Variants in ALDH1L2 observed in about 807,000 individuals in gnomAD.
ALDH1L2 encodes the protein aldehyde dehydrogenase 1 family member L2.
ALDH1L2 carries 91 observed loss-of-function variants against 111.0 expected under a neutral mutation model. That is an observed-to-expected ratio of 0.82 (90% confidence interval 0.69 to 0.98). The LOEUF is 0.98. ALDH1L2 is among the 50% of genes least tolerant of loss of function. ALDH1L2 has a pLI of 0.00. For missense variants in ALDH1L2, 995 were observed against 1,126.8 expected (o/e 0.88, Z 1.67); for synonymous variants, 374 against 392.6 (o/e 0.95, Z 0.56).
intron 6 of ALDH1L2, among the ~76,000 whole-genome samples, chr12:105,063,856 G>A (rs1311209885): frequency 6.6e-6 from 1 of 152,048 alleles, no homozygotes; most frequent in Non-Finnish European, 1.5e-5. Context: ...GCACTTCTAG[G>A]ATGATCAGCT....
At chr12:105,072,793 GT>G (rs1378988542) in intron 2 of ALDH1L2, among the ~76,000 whole-genome samples, 12 of 152,156 alleles carry the variant, frequency 7.9e-5, no homozygotes, top group African/African-American at 2.7e-4. Flanking sequence ...GGCCAACATG[GT>G]GAAACCATGT....
intron 9 of ALDH1L2, chr12:105,060,616 G>A (rs1016076311): frequency 6.0e-6 from 1 of 167,796 alleles, no homozygotes; most frequent in African/African-American, 2.4e-5. Context: ...GCTGAGGCCA[G>A]GAGTTCGAGA....
intron 10 of ALDH1L2, among the ~76,000 whole-genome samples, chr12:105,057,754 C>A (rs1290601826): frequency 2.0e-5 from 3 of 152,116 alleles, no homozygotes; most frequent in Non-Finnish European, 4.4e-5. Context: ...TCATGCTATC[C>A]AATTTTGGAA....
In ALDH1L2 at chr12:105,038,123, G is replaced by A. The variant is rs749793908; in HGVS notation, c.2125C>T (p.Leu709Phe). 1.1e-5 allele frequency: 17 copies of A among 1,613,512 alleles called. 1 individual carries two copies. The highest frequency in any genetic ancestry group is 3.3e-5 in the Admixed American group (2 of 59,970). The change falls in exon 18 of 23, where the codon CTT becomes TTT. Residue 709 changes from leucine to phenylalanine, a missense_variant. By Grantham distance (22) the Leu-to-Phe change is conservative. Transcript: ENST00000258494. ...CTTACCATTCGCACAGCCTTGTCAA[G>A]TTCACAGTCATTAAATATTATAAGT... ...SPLIIFNDCE[L>F]DKAVRMGMGA...
intron 18 of ALDH1L2, among the ~76,000 whole-genome samples, chr12:105,037,281 G>A (rs749560846): frequency 1.3e-5 from 2 of 152,180 alleles, no homozygotes; most frequent in African/African-American, 4.8e-5. Context: ...CTCACAAGGT[G>A]TTGCAAAAAT....
chr12:105,078,943 C>T (rs1425864463), intron 1 of ALDH1L2, among the ~76,000 whole-genome samples: 2 of 152,206 alleles, frequency 1.3e-5, no homozygotes, highest in African/African-American at 2.4e-5. Flanking sequence ...TGGTGACAAG[C>T]GACACCGTAG....
intron 2 of ALDH1L2, chr12:105,072,539 A>G (rs1366818180): frequency 1.3e-5 from 2 of 152,226 alleles, no homozygotes; most frequent in Non-Finnish European, 2.9e-5. Context: ...TAAGATGTTC[A>G]AAAAACTTAA....
In ALDH1L2 at chr12:105,046,925, C is replaced by G; in HGVS notation, c.1731G>C (p.Leu577=). The change falls in exon 14 of 23, where the codon CTG becomes CTC. Residue 577 remains leucine, a synonymous_variant. Coordinates refer to ENST00000258494, the MANE Select transcript of ALDH1L2 (RefSeq NM_001034173.4). ...CGAGTGGCTCTTTCTTGGTGAAGGT[C>G]AGATTGCGATTTGGACGGGCCTGGT... ...PINQARPNRN[L]TFTKKEPLGV... is the part of the protein sequence containing the mutation. 6.2e-7 allele frequency: 1 copy of G among 1,614,050 alleles called. No homozygotes were observed. Among genetic ancestry groups the G allele is most frequent in the Middle Eastern group, 1.6e-4 (1 of 6,062 alleles).
intron 1 of ALDH1L2, among the ~76,000 whole-genome samples, chr12:105,081,483 G>A (rs188991856): frequency 2.0e-5 from 3 of 152,268 alleles, no homozygotes; most frequent in East Asian, 1.9e-4. Flanking sequence ...CAAGTTACCT[G>A]GAGCCAGGCT....
In ALDH1L2 at chr12:105,049,849, G is replaced by C; in HGVS notation, c.1686+59C>G. On this transcript the variant is annotated intron_variant, in intron 13 of 22. Transcript: ENST00000258494. ...AAAAGAGGATCTGACACAGTGCCTG[G>C]TACAAACTAATCAATGTTAGTCCCT... The C allele has an allele frequency of 3.9e-6, 6 of 1,545,262 alleles. 1 individual carries two copies. The South Asian group carries it at 7.6e-5, about 20-fold the overall frequency.
Position 105,052,751 on chromosome 12 carries a change from A to G in ALDH1L2, c.1407+61T>C, listed in dbSNP as rs1033350328. 10 of 1,600,600 alleles carry G rather than the reference A, an allele frequency of 6.2e-6. No homozygotes were observed. In the African/African-American group the frequency reaches 1.1e-4, roughly 17 times the overall value. ...GCTTCTTAAGACTGCCTCTTTTACA[A>G]TGGTGTATTAACTAAAAATCCATGA... On this transcript the variant is annotated intron_variant, in intron 11 of 22. Coordinates refer to ENST00000258494, the MANE Select transcript of ALDH1L2 (RefSeq NM_001034173.4).
At chr12:105,035,186 C>T (rs2136052234) in intron 18 of ALDH1L2, among the ~76,000 whole-genome samples, 1 of 151,354 alleles carries the variant, frequency 6.6e-6, no homozygotes, top group South Asian at 2.1e-4. Flanking sequence ...AACACCTGGG[C>T]TTAAGCAATC....
intron 2 of ALDH1L2, among the ~76,000 whole-genome samples, 161 bp from the exon 3 acceptor site, chr12:105,070,965 A>G (rs943942281): frequency 1.3e-5 from 2 of 152,258 alleles, no homozygotes; most frequent in Non-Finnish European, 2.9e-5. Context: ...TTGTAATTGG[A>G]TCACACTAAG....
chr12:105,079,269 C>T (rs1440812470), intron 1 of ALDH1L2, among the ~76,000 whole-genome samples: 1 of 152,184 alleles, frequency 6.6e-6, no homozygotes, highest in Non-Finnish European at 1.5e-5. Flanking sequence ...CTAACAGAAG[C>T]AACAAGTACA....
At chr12:105,064,431 C>T (rs1236466011) in intron 6 of ALDH1L2, among the ~76,000 whole-genome samples, 1 of 152,098 alleles carries the variant, frequency 6.6e-6, no homozygotes, top group Non-Finnish European at 1.5e-5. Flanking sequence ...GGCTTCAGAT[C>T]CTGCACTCTT....
chr12:105,066,710 A>T, intron 4 of ALDH1L2, 41 bp from the exon 5 acceptor site: 1 of 1,545,044 alleles, frequency 6.5e-7, no homozygotes, highest in Non-Finnish European at 8.9e-7. Flanking sequence ...CCCAATGATC[A>T]ACAATGGCAT....
rs748617713 is a variant in ALDH1L2 at position 105,034,321 on chromosome 12, G to T, written c.2223C>A (p.His741Gln). The T allele has an allele frequency of 1.9e-6, 3 of 1,613,776 alleles. No individual in the cohort carries two copies. The African/African-American group carries it at 4.0e-5, about 22-fold the overall frequency. ...AGRLFVEESI[H>Q]DEFVTRVVEE... is the part of the protein sequence containing the mutation. ...TCACCACTCTTGTCACAAATTCGTC[G>T]TGGATGGATTCTTCCACGAACAACC... The change falls in exon 19 of 23, where the codon CAC becomes CAA. Residue 741 changes from histidine to glutamine, a missense_variant. By Grantham distance (24) the His-to-Gln change is conservative. Coordinates refer to ENST00000258494, the MANE Select transcript of ALDH1L2 (RefSeq NM_001034173.4).
intron 10 of ALDH1L2, among the ~76,000 whole-genome samples, chr12:105,057,641 A>C (rs1876714463): frequency 1.3e-5 from 2 of 152,352 alleles, no homozygotes; most frequent in South Asian, 4.1e-4. Context: ...AAGAGAAAGA[A>C]GCCAGAAACA....
Position 105,061,015 on chromosome 12 carries a change from AG to A in ALDH1L2, c.1104del (p.Phe369LeufsTer45), listed in dbSNP as rs1876962855. 6.2e-7 allele frequency: 1 copy of A among 1,613,944 alleles called. No individual in the cohort carries two copies. Among genetic ancestry groups the A allele is most frequent in the Non-Finnish European group, 8.5e-7 (1 of 1,179,960 alleles). The part of the protein sequence containing the change: ...NVPIIEDSTD[F>X]FKSGASSMDV... ...TCCATTGAGCTTGCTCCAGATTTAA[AG>A]AAGTCTGTTGAGTCTTCAATAATGG... On this transcript the variant is annotated frameshift_variant, in exon 9 of 23. Coordinates refer to ENST00000258494, the MANE Select transcript of ALDH1L2 (RefSeq NM_001034173.4). LOFTEE classifies it high-confidence loss of function.
Sources: gnomAD v4.1 joint callset for allele counts (sites outside exome capture counted in the v4.1 genomes callset) on GRCh38, gnomAD v4.1.1 for gene constraint, MANE v1.5 for transcripts, NCBI Gene and HGNC (gene_info 2026-07-23, HGNC 2026-07-21) for gene names.